Variants in SYNE1 observed in about 807,000 individuals in gnomAD.
The protein encoded by SYNE1 is nesprin-1.
In SYNE1, 616 loss-of-function variants were observed where a neutral mutation model predicts 1,111.0. The ratio of observed to expected loss-of-function variants is 0.55; its 90% CI spans 0.52 to 0.59. The LOEUF (loss-of-function observed/expected upper bound fraction) is 0.59, where lower values mean the gene tolerates loss of function less well. SYNE1 is among the 20% of genes least tolerant of loss of function. The probability of loss-of-function intolerance (pLI) is 0.00; values close to 1 mark genes in which losing one functional copy is unlikely to be tolerated. For missense variants in SYNE1, 10,006 were observed against 10,417.0 expected (o/e 0.96, Z 1.72); for synonymous variants, 3,855 against 3,825.8 (o/e 1.01, Z -0.28).
intron 74 of SYNE1, among the ~76,000 whole-genome samples, chr6:152,342,506 T>C (rs757157289): frequency 1.4e-4 from 21 of 152,234 alleles, no homozygotes; most frequent in South Asian, 1.0e-3. Context: ...TTGTGAACCA[T>C]TGAATGACAA....
chr6:152,617,995 C>T (rs1436107437), intron 3 of SYNE1, among the ~76,000 whole-genome samples: 1 of 152,174 alleles, frequency 6.6e-6, no homozygotes, highest in East Asian at 1.9e-4. Flanking sequence ...GCAATGGACA[C>T]CCTTCCAACC....
At position 152,310,685 on chromosome 6, in the gene SYNE1, TAC is replaced by T. The variant is rs1589786963; in HGVS notation, c.16896+1_16896+2del. On this transcript the variant is annotated splice_donor_variant, in intron 88 of 145. Coordinates refer to ENST00000367255, the MANE Select transcript of SYNE1 (RefSeq NM_182961.4). LOFTEE classifies it high-confidence loss of function. ...TCTGTTTCTTTTTTTTTTCTTTTTT[TAC>T]CTTAGCTGCATCTTGGAGGTTCTGC... 6.2e-7 allele frequency: 1 copy of T among 1,613,220 alleles called. No homozygotes were observed. The highest frequency in any genetic ancestry group is 8.5e-7 in the Non-Finnish European group (1 of 1,179,812).
intron 97 of SYNE1, among the ~76,000 whole-genome samples, chr6:152,279,482 G>T (rs182667071): frequency 6.6e-6 from 1 of 151,692 alleles, no homozygotes; most frequent in East Asian, 1.9e-4. Context: ...TTGGGAGGCC[G>T]AGGCAGGCAG....
chr6:152,225,597 A>C (rs1184327382), intron 116 of SYNE1, 124 bp downstream of exon 116: 3 of 1,182,036 alleles, frequency 2.5e-6, no homozygotes, highest in African/African-American at 3.1e-5. Flanking sequence ...GTGGACTTAA[A>C]AGTACAAGGA....
rs1290712855 is a variant in SYNE1 at position 152,339,235 on chromosome 6, T to C, written c.12351+6A>G. The C allele has an allele frequency of 6.2e-7, 1 of 1,613,286 alleles. No homozygotes were observed. Among genetic ancestry groups the C allele is most frequent in the Non-Finnish European group, 8.5e-7 (1 of 1,179,494 alleles). The stretch of plus-strand genomic sequence containing the variant: ...ACAAATTCAATGTGATTTTTCATTT[T>C]CTTACCGTTTGCTCTGTTTGTTGAA... On this transcript the variant is annotated splice_donor_region_variant and intron_variant, in intron 75 of 145. Coordinates refer to ENST00000367255, the MANE Select transcript of SYNE1 (RefSeq NM_182961.4).
intron 14 of SYNE1, among the ~76,000 whole-genome samples, chr6:152,476,199 A>G (rs2098833396): frequency 1.3e-5 from 2 of 151,996 alleles, no homozygotes; most frequent in Admixed American, 1.3e-4. Flanking sequence ...TCTCTTACCT[A>G]TTGCTTACTC....
intron 39 of SYNE1, 80 bp from the exon 40 acceptor site, chr6:152,419,802 T>C: frequency 6.7e-7 from 1 of 1,488,474 alleles, no homozygotes; most frequent in Non-Finnish European, 9.3e-7. Context: ...GAATTAAGCT[T>C]ACCCAAGGGC....
chr6:152,392,116 C>T (rs2097652313), intron 51 of SYNE1, among the ~76,000 whole-genome samples: 1 of 152,272 alleles, frequency 6.6e-6, no homozygotes. Flanking sequence ...TGTGGGACCT[C>T]TTTGTGCCCT....
At chr6:152,381,990 AT>A (rs1172582070) in intron 55 of SYNE1, among the ~76,000 whole-genome samples, 2 of 152,196 alleles carry the variant, frequency 1.3e-5, no homozygotes, top group Non-Finnish European at 2.9e-5. Context: ...ATTTATTAGT[AT>A]TTTTTTACCT....
At chr6:152,488,125 T>C (rs2098951121) in intron 12 of SYNE1, among the ~76,000 whole-genome samples, 1 of 152,054 alleles carries the variant, frequency 6.6e-6, no homozygotes, top group African/African-American at 2.4e-5. Context: ...TCTGCATTTG[T>C]TTTCCAAGTC....
At chr6:152,220,297 A>G (rs1244274856) in intron 119 of SYNE1, among the ~76,000 whole-genome samples, 1 of 152,206 alleles carries the variant, frequency 6.6e-6, no homozygotes, top group Non-Finnish European at 1.5e-5. Context: ...AATGCTTGAA[A>G]CAAGAGAAGA....
At position 152,347,225 on chromosome 6, in the gene SYNE1, T is replaced by G. The variant is rs1341876371; in HGVS notation, c.11912A>C (p.Glu3971Ala). 1 of 1,614,240 alleles carries G rather than the reference T, an allele frequency of 6.2e-7. No homozygotes were observed. Among genetic ancestry groups the G allele is most frequent in the South Asian group, 1.1e-5 (1 of 91,088 alleles). Residue 3971 changes from glutamate to alanine, a missense_variant, in exon 73 of 146, where the codon GAA becomes GCA. This residue lies in a region of SYNE1 where 4,955 missense variants were observed against 5,017.2 expected (regional missense o/e 0.99). Transcript: ENST00000367255. The stretch of plus-strand genomic sequence containing the variant: ...ACGGTCTTCAAAACCAGCAATTTCT[T>G]CCATCATTGCCTGCAAAAGTGAAAC... ...QQLAHHKAMM[E>A]EIAGFEDRLN...
chr6:152,189,413 T>TA lies in SYNE1; in HGVS notation c.23146-7dup, dbSNP rs770820426. ...CCAACTGCATTTTCTAATTCCTAAATAAAAAAACAAACTTGAATACCCACG... is the reference window on the plus strand; with the variant it reads ...CCAACTGCATTTTCTAATTCCTAAATAAAAAAAACAAACTTGAATACCCACG... On this transcript the variant is annotated splice_polypyrimidine_tract_variant and splice_region_variant and intron_variant, in intron 127 of 145. Coordinates refer to ENST00000367255, the MANE Select transcript of SYNE1 (RefSeq NM_182961.4). 1.7e-5 allele frequency: 28 copies of TA among 1,613,748 alleles called. No individual in the cohort carries two copies. In the East Asian group the frequency reaches 4.7e-4, roughly 27 times the overall value.
intron 62 of SYNE1, 127 bp downstream of exon 62, chr6:152,367,091 A>C (rs773922145): frequency 8.5e-7 from 1 of 1,180,368 alleles, no homozygotes; most frequent in African/African-American, 1.5e-5. Flanking sequence ...ACAGCGTTGC[A>C]CTCACAAAGC....
intron 53 of SYNE1, among the ~76,000 whole-genome samples, chr6:152,388,631 G>T (rs1429829330): frequency 6.6e-6 from 1 of 152,160 alleles, no homozygotes; most frequent in Admixed American, 6.5e-5. Flanking sequence ...TTTGAAAATG[G>T]TTAGTAACAT....
chr6:152,506,182 A>T (rs1413229876), intron 8 of SYNE1, among the ~76,000 whole-genome samples: 1 of 152,226 alleles, frequency 6.6e-6, no homozygotes, highest in Non-Finnish European at 1.5e-5. Context: ...CTTGGAAAAG[A>T]GAAGCGAGGC....
chr6:152,594,898 AC>A (rs1365405181), intron 3 of SYNE1, among the ~76,000 whole-genome samples: 3 of 152,192 alleles, frequency 2.0e-5, no homozygotes, highest in African/African-American at 7.2e-5. Flanking sequence ...TTTAATGAAA[AC>A]ATTCTTATCA....
chr6:152,399,641 C>T lies in SYNE1; in HGVS notation c.7212G>A (p.Gln2404=), dbSNP rs370693940. ...QLCSKTQASL[Q]ESLEKHFSES... is the part of the protein sequence containing the mutation. ...CACTGAAGTGTTTTTCCAGAGATTC[C>T]TGCAGGCTGGCCTGGGTTTTGGAGC... The change falls in exon 48 of 146, where the codon CAG becomes CAA. Residue 2404 remains glutamine (Q), a synonymous_variant. Transcript: ENST00000367255. 1 of 1,614,012 alleles carries T rather than the reference C, an allele frequency of 6.2e-7. No individual in the cohort carries two copies. Among genetic ancestry groups the T allele is most frequent in the African/African-American group, 1.3e-5 (1 of 74,914 alleles).
At chr6:152,267,631 C>T (rs2092830561) in intron 100 of SYNE1, among the ~76,000 whole-genome samples, 1 of 152,164 alleles carries the variant, frequency 6.6e-6, no homozygotes. Context: ...AGTCTTCACT[C>T]CAGACCAAGA....
Sources: allele counts gnomAD v4.1 joint callset (sites outside exome capture counted in the v4.1 genomes callset), GRCh38; gene constraint gnomAD v4.1.1; regional missense constraint gnomAD v4.1.1; transcripts MANE v1.5; gene names NCBI Gene and HGNC (gene_info 2026-07-23, HGNC 2026-07-21).